HDHD5: variants seen among roughly 807,000 people sequenced by gnomAD.
HDHD5 encodes the protein haloacid dehalogenase like hydrolase domain containing 5, also known as haloacid dehalogenase-like hydrolase domain-containing 5.
Under a neutral mutation model 35.5 loss-of-function variants are expected in HDHD5, and 34 were observed. The observed-to-expected ratio is 0.96, with a 90% CI of 0.73 to 1.28. HDHD5 has a LOEUF of 1.28. HDHD5 is among the 50% of genes most tolerant of loss of function. HDHD5 has a pLI of 0.00. For missense variants in HDHD5, 589 were observed against 560.2 expected (o/e 1.05, Z -0.52); for synonymous variants, 248 against 240.6 (o/e 1.03, Z -0.29).
intron 5 of HDHD5, 107 bp from the exon 6 acceptor site, chr22:17,141,340 C>T: frequency 1.4e-6 from 2 of 1,455,544 alleles, no homozygotes; most frequent in Non-Finnish European, 1.8e-6. Flanking sequence ...ACCCATGGTG[C>T]ACCCAGCTGG....
chr22:17,144,719 T>C (rs2061640331), intron 4 of HDHD5, among the ~76,000 whole-genome samples: 1 of 152,010 alleles, frequency 6.6e-6, no homozygotes, highest in Non-Finnish European at 1.5e-5. Flanking sequence ...TGGACAATTT[T>C]TTAAATTTTT....
At chr22:17,143,256 C>A in intron 4 of HDHD5, 125 bp from the exon 5 acceptor site, 1 of 976,156 alleles carries the variant, frequency 1.0e-6, no homozygotes, top group South Asian at 1.8e-5. Flanking sequence ...CACCCGTGGT[C>A]AAGCCCAAGC....
At chr22:17,161,330 A>G (rs531367044), upstream of HDHD5, among the ~76,000 whole-genome samples, 283 of 151,546 alleles carry the variant, frequency 1.9e-3, 2 homozygotes, top group Middle Eastern at 0.021. Flanking sequence ...AGGCCGAGGT[A>G]GGTGGATCAT....
At chr22:17,139,734 G>C (rs1025425851) in intron 6 of HDHD5, among the ~76,000 whole-genome samples, 3 of 151,974 alleles carry the variant, frequency 2.0e-5, no homozygotes, top group African/African-American at 7.2e-5. Flanking sequence ...CACCATGCCC[G>C]GCTAATTTTT....
rs767326295 is a variant in HDHD5 at position 17,138,329 on chromosome 22, C to T, written c.964G>A (p.Ala322Thr). 3 of 1,613,750 alleles carry T rather than the reference C, an allele frequency of 1.9e-6. No individual in the cohort carries two copies. Among genetic ancestry groups the T allele is most frequent in the Non-Finnish European group, 1.7e-6 (2 of 1,179,962 alleles). ...TGCAGGTACTGGTGGAACAGGTTGG[C>T]GCCGTATACGTCAGACATAGGGTTA... ...GDNPMSDVYG[A>T]NLFHQYLQKA... Residue 322 changes from alanine to threonine, a missense_variant, in exon 8 of 8, where the codon GCC becomes ACC. Transcript: ENST00000336737.
intron 1 of HDHD5, among the ~76,000 whole-genome samples, chr22:17,150,008 G>A (rs1235493584): frequency 6.6e-6 from 1 of 152,110 alleles, no homozygotes; most frequent in Non-Finnish European, 1.5e-5. Context: ...ACAGTGGCAT[G>A]ATCACGGCTC....
upstream of HDHD5, among the ~76,000 whole-genome samples, chr22:17,160,330 T>G (rs938635839): frequency 6.6e-6 from 1 of 150,922 alleles, no homozygotes; most frequent in African/African-American, 2.4e-5. Context: ...CTGGGCAACA[T>G]AGGGAGACCC....
At chr22:17,141,304 T>C (rs1391723366) in intron 5 of HDHD5, 71 bp from the exon 6 acceptor site, 4 of 1,514,634 alleles carry the variant, frequency 2.6e-6, no homozygotes, top group Middle Eastern at 1.8e-4. Flanking sequence ...GGATGCCAGC[T>C]AGGGCTACCC....
chr22:17,152,985 A>G (rs1353589404), intron 1 of HDHD5, among the ~76,000 whole-genome samples: 1 of 151,924 alleles, frequency 6.6e-6, no homozygotes, highest in African/African-American at 2.4e-5. Context: ...AACTCGAGCC[A>G]ACAAGATATC....
At chr22:17,156,943 T>C (rs1465795081) in intron 1 of HDHD5, among the ~76,000 whole-genome samples, 1 of 151,886 alleles carries the variant, frequency 6.6e-6, no homozygotes, top group Non-Finnish European at 1.5e-5. Context: ...CTGGGCGTGG[T>C]GGCAGGCGCC....
At chr22:17,152,724 A>G (rs1243890462) in intron 1 of HDHD5, among the ~76,000 whole-genome samples, 1 of 152,128 alleles carries the variant, frequency 6.6e-6, no homozygotes, top group Non-Finnish European at 1.5e-5. Context: ...AGCAAAAGAC[A>G]GTGCAAGGAG....
In HDHD5 at chr22:17,138,657, C is replaced by T. The variant is rs757659738; in HGVS notation, c.828G>A (p.Leu276=). The T allele has an allele frequency of 1.9e-6, 3 of 1,614,268 alleles. No homozygotes were observed. The highest frequency in any genetic ancestry group is 2.2e-5 in the East Asian group (1 of 44,888). Residue 276 remains leucine (L), a synonymous_variant, in exon 7 of 8, where the codon CTG becomes CTA. Transcript: ENST00000336737. ...VTGKELRYEG[L]MGKPSILTYQ... ...AAGTGAGGATGCTGGGTTTGCCCAT[C>T]AGGCCCTCGTATCTCAGCTCCTTGC... is the stretch of plus-strand genomic sequence containing the variant.
In HDHD5 at chr22:17,137,829, C is replaced by T. The variant is rs2061550722; in HGVS notation, c.*192G>A. 1.7e-6 allele frequency: 1 copy of T among 581,182 alleles called. No homozygotes were observed. Among genetic ancestry groups the T allele is most frequent in the South Asian group, 2.2e-5 (1 of 44,504 alleles). 36.0% of individuals were successfully genotyped at this position (581,182 alleles called of 1,614,324 possible). The stretch of plus-strand genomic sequence containing the variant: ...CCCAGAAAATTCCAACCGTTCCATA[C>T]AAAATGCTACCCAGCAGGGAAAAAG... On this transcript the variant is annotated 3_prime_UTR_variant, in exon 8 of 8. Coordinates refer to ENST00000336737, the MANE Select transcript of HDHD5 (RefSeq NM_033070.3).
chr22:17,153,159 A>G (rs1297808093), intron 1 of HDHD5, among the ~76,000 whole-genome samples: 1 of 152,218 alleles, frequency 6.6e-6, no homozygotes, highest in Non-Finnish European at 1.5e-5. Context: ...GACATGTAAC[A>G]AAGGCATTTT....
At chr22:17,159,296 C>T (rs543489830), upstream of HDHD5, 528 of 1,236,994 alleles carry the variant, frequency 4.3e-4, 4 homozygotes, top group Non-Finnish European at 4.9e-4. Context: ...GCCCCCCCCC[C>T]CCGCGAGTCC....
chr22:17,137,909 A>T lies in HDHD5; in HGVS notation c.*112T>A. ...ATGCCACACTCATGGGGCAGCAAGA[A>T]GGGTGGCAAGGGAACCAAGCCCTGA... On this transcript the variant is annotated 3_prime_UTR_variant, in exon 8 of 8. Coordinates refer to ENST00000336737, the MANE Select transcript of HDHD5 (RefSeq NM_033070.3). The T allele has an allele frequency of 3.8e-6, 3 of 794,182 alleles. No homozygotes were observed. The highest frequency in any genetic ancestry group is 3.6e-4 in the Middle Eastern group (1 of 2,770). 49.2% of individuals were successfully genotyped at this position (794,182 alleles called of 1,614,324 possible).
intron 6 of HDHD5, 70 bp downstream of exon 6, chr22:17,140,989 C>T (rs2061593535): frequency 7.1e-7 from 1 of 1,410,868 alleles, no homozygotes; most frequent in African/African-American, 1.5e-5. Context: ...ATGGGAACTG[C>T]CTGCAGGACT....
At position 17,157,083 on chromosome 22, in the gene HDHD5, CAT is replaced by C. The variant is rs1491466568; in HGVS notation, c.126+2041_126+2042del. 8.0e-3 allele frequency among the ~76,000 whole-genome samples: 863 copies of C among 107,262 alleles called. 5 individuals are homozygous for C. Among genetic ancestry groups the C allele is most frequent in the African/African-American group, 0.029 (777 of 26,386 alleles). The allele number at this position is 107,262 out of a possible 152,430, so 70.4% of individuals were successfully genotyped here. A position where few individuals can be genotyped will look rare whatever the true frequency, so the allele number is the denominator to read the frequency against. ...ACAGAGCTAGACACCGTCTCACACA[CAT>C]ACACACACACACACACACACACACA... On this transcript the variant is annotated intron_variant, in intron 1 of 7. Transcript: ENST00000336737.
At chr22:17,145,165 C>T (rs1343863977) in intron 3 of HDHD5, 48 bp from the exon 4 acceptor site, 15 of 1,610,010 alleles carry the variant, frequency 9.3e-6, no homozygotes, top group Non-Finnish European at 1.2e-5. Context: ...GGGGAAGATG[C>T]CTTTCTGAAT....
Sources: allele counts gnomAD v4.1 joint callset (sites outside exome capture counted in the v4.1 genomes callset), GRCh38; gene constraint gnomAD v4.1.1; transcripts MANE v1.5; gene names NCBI Gene and HGNC (gene_info 2026-07-23, HGNC 2026-07-21).